Variants in TLK1 observed in about 807,000 individuals in gnomAD.
TLK1 encodes the protein serine/threonine-protein kinase tousled-like 1.
In TLK1, 24 loss-of-function variants were observed where a neutral mutation model predicts 105.3. The observed-to-expected ratio is 0.23, with a 90% CI of 0.17 to 0.32. The LOEUF (loss-of-function observed/expected upper bound fraction) is 0.32, where lower values mean the gene tolerates loss of function less well. Ranked by LOEUF, TLK1 falls within the 10% of genes least tolerant of loss-of-function variation. TLK1 has a pLI of 1.00. For missense variants in TLK1, 558 were observed against 910.5 expected (o/e 0.61, Z 4.98); for synonymous variants, 321 against 310.4 (o/e 1.03, Z -0.36).
chr2:171,174,548 T>C (rs1291055439), intron 1 of TLK1, among the ~76,000 whole-genome samples: 1 of 152,212 alleles, frequency 6.6e-6, no homozygotes, highest in African/African-American at 2.4e-5. Flanking sequence ...CTTGCTCCCA[T>C]GGCATACTAG....
At chr2:171,139,293 A>G (rs1478009296) in intron 1 of TLK1, among the ~76,000 whole-genome samples, 2 of 152,062 alleles carry the variant, frequency 1.3e-5, no homozygotes, top group Non-Finnish European at 2.9e-5. Flanking sequence ...GGTTGCCAAA[A>G]AAACTTAAAA....
intron 1 of TLK1, among the ~76,000 whole-genome samples, chr2:171,134,208 T>TTA (rs773189816): frequency 2.6e-5 from 4 of 152,202 alleles, no homozygotes; most frequent in East Asian, 3.9e-4. Context: ...TTTAGTCACA[T>TTA]TATATATATA....
intron 18 of TLK1, among the ~76,000 whole-genome samples, chr2:171,004,108 C>T (rs912491940): frequency 5.9e-5 from 9 of 152,112 alleles, no homozygotes; most frequent in African/African-American, 1.9e-4. Flanking sequence ...GCATGGCCAC[C>T]ATGCCCAGCT....
intron 3 of TLK1, among the ~76,000 whole-genome samples, chr2:171,071,521 T>C (rs1004301448): frequency 5.3e-5 from 8 of 152,130 alleles, no homozygotes; most frequent in African/African-American, 1.9e-4. Context: ...TCTCCTGACA[T>C]AGTGATCTGC....
chr2:171,141,510 A>AACTGCTG (rs1266209778), intron 1 of TLK1, among the ~76,000 whole-genome samples: 4 of 152,138 alleles, frequency 2.6e-5, no homozygotes, highest in Non-Finnish European at 5.9e-5. Flanking sequence ...ATCACAGTAA[A>AACTGCTG]ACTGCTGAAA....
chr2:171,071,708 A>G (rs1169496687), intron 3 of TLK1, among the ~76,000 whole-genome samples: 1 of 152,030 alleles, frequency 6.6e-6, no homozygotes, highest in Non-Finnish European at 1.5e-5. Context: ...TCACAGTTTG[A>G]GGTCTTTTTA....
chr2:171,115,692 CTA>C (rs1470349553), intron 2 of TLK1, among the ~76,000 whole-genome samples: 1 of 152,118 alleles, frequency 6.6e-6, no homozygotes, highest in Non-Finnish European at 1.5e-5. Context: ...GTGATATTGA[CTA>C]TATGTAAAAT....
chr2:171,046,400 C>A, intron 10 of TLK1, 38 bp from the exon 11 acceptor site: 2 of 1,510,132 alleles, frequency 1.3e-6, no homozygotes, highest in Non-Finnish European at 1.8e-6. Flanking sequence ...TATTAACCTT[C>A]CATTACTTTT....
intron 16 of TLK1, 70 bp downstream of exon 16, chr2:171,006,730 T>G: frequency 6.3e-7 from 1 of 1,592,470 alleles, no homozygotes; most frequent in Non-Finnish European, 8.6e-7. Context: ...ATTTATATCA[T>G]CAACACAGGA....
chr2:171,043,850 G>A lies in TLK1; in HGVS notation c.1169+2324C>T, dbSNP rs188637725. Reference sequence around the variant, plus strand: ...CCACCGCAGCCTTCCAAAGCACTGGGATTATAGTGTGAGACATCCCACCCA... The same window carrying A: ...CCACCGCAGCCTTCCAAAGCACTGGAATTATAGTGTGAGACATCCCACCCA... On this transcript the variant is annotated intron_variant, in intron 11 of 20. Transcript: ENST00000431350. Among the ~76,000 whole-genome samples the A allele has an allele frequency of 4.5e-3, 683 of 152,134 alleles. 7 individuals are homozygous for A. The highest frequency in any genetic ancestry group is 0.015 in the African/African-American group (622 of 41,492).
At chr2:171,152,951 C>A (rs1453682904) in intron 1 of TLK1, among the ~76,000 whole-genome samples, 1 of 152,092 alleles carries the variant, frequency 6.6e-6, no homozygotes, top group Non-Finnish European at 1.5e-5. Flanking sequence ...GCTGGTACAG[C>A]TTTCTAAATT....
chr2:171,001,679 C>G (rs540433564), intron 18 of TLK1, among the ~76,000 whole-genome samples: 26 of 152,296 alleles, frequency 1.7e-4, no homozygotes, highest in Non-Finnish European at 3.5e-4. Context: ...TAAATGTCCT[C>G]CGTGGCATTT....
At chr2:171,012,686 C>T (rs181309611) in intron 13 of TLK1, among the ~76,000 whole-genome samples, 17 of 152,176 alleles carry the variant, frequency 1.1e-4, no homozygotes, top group African/African-American at 3.9e-4. Context: ...ACCATATTGG[C>T]CAGGCTGGTC....
intron 11 of TLK1, among the ~76,000 whole-genome samples, chr2:171,035,723 T>C (rs1042638527): frequency 6.6e-6 from 1 of 152,162 alleles, no homozygotes; most frequent in Non-Finnish European, 1.5e-5. Context: ...TATTCTGCAT[T>C]ACCCATGTGT....
intron 1 of TLK1, among the ~76,000 whole-genome samples, chr2:171,147,714 T>C (rs554617077): frequency 1.2e-4 from 18 of 152,332 alleles, no homozygotes; most frequent in African/African-American, 4.3e-4. Flanking sequence ...GTTGAAGAAC[T>C]GTAGCTCACA....
At chr2:171,151,299 A>G (rs1274460479) in intron 1 of TLK1, among the ~76,000 whole-genome samples, 3 of 151,434 alleles carry the variant, frequency 2.0e-5, no homozygotes, top group Admixed American at 6.6e-5. Flanking sequence ...GATTACAGGC[A>G]TGAGCCACTG....
Position 170,993,965 on chromosome 2 carries a change from G to A in TLK1, c.2125-9C>T. The A allele has an allele frequency of 6.3e-7, 1 of 1,581,908 alleles. No homozygotes were observed. On this transcript the variant is annotated splice_polypyrimidine_tract_variant and intron_variant, in intron 20 of 20. Transcript: ENST00000431350. Reference sequence around the variant, plus strand: ...CAGCGTCTTATAAATGCCTCAAAAAGAGAAAGGAAATGTTAGCAATTAATG... The same window carrying A: ...CAGCGTCTTATAAATGCCTCAAAAAAAGAAAGGAAATGTTAGCAATTAATG...
chr2:171,196,317 A>G (rs999623690), intron 1 of TLK1, among the ~76,000 whole-genome samples: 2 of 152,026 alleles, frequency 1.3e-5, no homozygotes, highest in Admixed American at 6.6e-5. Context: ...GAGTTTCACC[A>G]TGTTGGCCAG....
At chr2:171,176,228 C>T (rs373383998) in intron 1 of TLK1, among the ~76,000 whole-genome samples, 31 of 152,302 alleles carry the variant, frequency 2.0e-4, no homozygotes, top group African/African-American at 7.2e-4. Context: ...GTGTGAGCCA[C>T]TGTGCCCGGC....
Sources: gnomAD v4.1 joint callset for allele counts (sites outside exome capture counted in the v4.1 genomes callset) on GRCh38, gnomAD v4.1.1 for gene constraint, MANE v1.5 for transcripts, NCBI Gene and HGNC (gene_info 2026-07-23, HGNC 2026-07-21) for gene names.